SPON1: variants seen among roughly 807,000 people sequenced by gnomAD.
SPON1 encodes spondin 1, also known as spondin-1.
SPON1 carries 52 observed loss-of-function variants against 111.7 expected under a neutral mutation model. The observed-to-expected ratio is 0.47, with a 90% CI of 0.37 to 0.59. The LOEUF (loss-of-function observed/expected upper bound fraction) is 0.59, where lower values mean the gene tolerates loss of function less well. Among genes scored for constraint, SPON1 ranks in the 20% least tolerant of loss-of-function variants. The pLI is 0.00. For synonymous variants in SPON1, 410 were observed against 395.8 expected, an observed-to-expected ratio of 1.04 and a Z score of -0.43; for missense variants, 957 against 1,068.5, an observed-to-expected ratio of 0.90 and a Z score of 1.46.
At chr11:14,036,961 T>G (rs1441870791) in intron 2 of SPON1, among the ~76,000 whole-genome samples, 2 of 151,940 alleles carry the variant, frequency 1.3e-5, no homozygotes, top group Non-Finnish European at 2.9e-5. Flanking sequence ...GGCCTGAAAA[T>G]ACACAGAACT....
intron 5 of SPON1, among the ~76,000 whole-genome samples, chr11:14,120,477 C>G (rs1283492342): frequency 2.0e-5 from 3 of 152,120 alleles, no homozygotes; most frequent in Non-Finnish European, 4.4e-5. Context: ...AACAGTCACC[C>G]CCAGCTTATG....
intron 2 of SPON1, among the ~76,000 whole-genome samples, chr11:13,990,399 T>TTTTTTTTTTTTTTTTTTC (rs1848219728): frequency 8.4e-6 from 1 of 118,344 alleles, no homozygotes; most frequent in Non-Finnish European, 1.7e-5. Context: ...TTTTTTTTTT[T>TTTTTTTTTTTTTTTTTTC]TTTTTTTTGC....
intron 5 of SPON1, among the ~76,000 whole-genome samples, chr11:14,102,166 A>G (rs1480265128): frequency 6.6e-6 from 1 of 152,138 alleles, no homozygotes; most frequent in Non-Finnish European, 1.5e-5. Flanking sequence ...AATCTAATCT[A>G]TATGTCTTGT....
At chr11:14,185,025 G>C (rs1554933950) in intron 6 of SPON1, among the ~76,000 whole-genome samples, 1 of 152,110 alleles carries the variant, frequency 6.6e-6, no homozygotes, top group African/African-American at 2.4e-5. Flanking sequence ...TTCATACCCA[G>C]CTCTCCTGTG....
chr11:14,054,220 G>A (rs2133819781), intron 3 of SPON1, among the ~76,000 whole-genome samples: 1 of 152,292 alleles, frequency 6.6e-6, no homozygotes, highest in South Asian at 2.1e-4. Flanking sequence ...AAACAGAGGA[G>A]AAAAAGCTCC....
intron 5 of SPON1, among the ~76,000 whole-genome samples, chr11:14,121,161 G>T (rs1354431429): frequency 6.6e-6 from 1 of 152,190 alleles, no homozygotes; most frequent in Non-Finnish European, 1.5e-5. Flanking sequence ...CAAGGGCTGG[G>T]AGTGGTGGTG....
intron 2 of SPON1, among the ~76,000 whole-genome samples, chr11:13,996,858 G>A (rs1490850647): frequency 6.6e-6 from 1 of 152,064 alleles, no homozygotes; most frequent in Non-Finnish European, 1.5e-5. Flanking sequence ...TGTTCCACAT[G>A]ATTTTTAATG....
intron 6 of SPON1, among the ~76,000 whole-genome samples, chr11:14,144,654 A>C (rs1554929137): frequency 1.3e-5 from 2 of 148,726 alleles, no homozygotes; most frequent in East Asian, 3.9e-4. Flanking sequence ...AATAATAATA[A>C]TAATAATAAT....
chr11:13,986,728 G>A (rs114776812), intron 2 of SPON1, among the ~76,000 whole-genome samples: 41 of 150,728 alleles, frequency 2.7e-4, no homozygotes, highest in African/African-American at 8.5e-4. Context: ...CCGACCCCCC[G>A]ACAGACCCTG....
At chr11:13,971,030 C>G (rs1554908546) in intron 1 of SPON1, among the ~76,000 whole-genome samples, 1 of 152,074 alleles carries the variant, frequency 6.6e-6, no homozygotes, top group African/African-American at 2.4e-5. Flanking sequence ...CCCCAAGAAC[C>G]CTGGTGTGAG....
chr11:14,147,017 CTTTTTTTTTTT>C (rs34930543), intron 6 of SPON1, among the ~76,000 whole-genome samples: 4 of 64,992 alleles, frequency 6.2e-5, no homozygotes, highest in African/African-American at 1.4e-4. Flanking sequence ...ATGAAAGAAC[CTTTTTTTTTTT>C]TTTTTTTTTT....
intron 2 of SPON1, among the ~76,000 whole-genome samples, chr11:14,022,408 T>A (rs1270605438): frequency 6.6e-6 from 1 of 152,222 alleles, no homozygotes; most frequent in Admixed American, 6.5e-5. Flanking sequence ...CATACATTGA[T>A]GTTTACTCTG....
At chr11:13,997,325 T>C (rs1423282600) in intron 2 of SPON1, among the ~76,000 whole-genome samples, 2 of 152,186 alleles carry the variant, frequency 1.3e-5, no homozygotes, top group African/African-American at 4.8e-5. Flanking sequence ...GGAAAGACTT[T>C]GGGTTTTGGA....
intron 5 of SPON1, among the ~76,000 whole-genome samples, chr11:14,098,123 C>T (rs978527031): frequency 1.3e-5 from 2 of 152,170 alleles, no homozygotes; most frequent in Non-Finnish European, 1.5e-5. Context: ...AGCCTCCCCA[C>T]TAGCTGGGAC....
intron 2 of SPON1, among the ~76,000 whole-genome samples, chr11:14,015,508 G>C (rs530612510): frequency 1.3e-5 from 2 of 152,008 alleles, no homozygotes; most frequent in African/African-American, 4.8e-5. Flanking sequence ...TTCAACATAT[G>C]AATTTTAGGG....
At chr11:14,216,302 C>T (rs1848625605) in intron 6 of SPON1, among the ~76,000 whole-genome samples, 1 of 152,096 alleles carries the variant, frequency 6.6e-6, no homozygotes, top group Admixed American at 6.6e-5. Flanking sequence ...ACATCTGGGG[C>T]TGGGTGGTAA....
At chr11:14,073,417 T>C (rs1452927416) in intron 3 of SPON1, among the ~76,000 whole-genome samples, 1 of 152,234 alleles carries the variant, frequency 6.6e-6, no homozygotes, top group African/African-American at 2.4e-5. Flanking sequence ...TTTCAGATTT[T>C]AGATTTTCAG....
intron 3 of SPON1, among the ~76,000 whole-genome samples, chr11:14,050,031 G>A (rs1255976980): frequency 6.6e-6 from 1 of 152,186 alleles, no homozygotes; most frequent in Non-Finnish European, 1.5e-5. Context: ...AGGGTGCTTA[G>A]GCAGCCCTCT....
chr11:14,265,382 C>A, intron 15 of SPON1, 142 bp from the exon 16 acceptor site: 1 of 956,930 alleles, frequency 1.0e-6, no homozygotes, highest in Non-Finnish European at 1.5e-6. Flanking sequence ...ACCTAACTGT[C>A]CCTAATAACG....
Sources: allele counts gnomAD v4.1 joint callset (sites outside exome capture counted in the v4.1 genomes callset), GRCh38; gene constraint gnomAD v4.1.1; transcripts MANE v1.5; gene names NCBI Gene and HGNC (gene_info 2026-07-23, HGNC 2026-07-21).